The following SIPA1L1 variants were observed in gnomAD, a reference collection of about 807,000 sequenced individuals.
SIPA1L1 encodes signal-induced proliferation-associated 1-like protein 1.
SIPA1L1 carries 26 observed loss-of-function variants against 162.7 expected under a neutral mutation model. The observed-to-expected ratio is 0.16, with a 90% CI of 0.12 to 0.22. SIPA1L1 has a LOEUF of 0.22. SIPA1L1 is among the 10% of genes least tolerant of loss of function. The pLI is 1.00. For synonymous variants in SIPA1L1, 829 were observed against 837.4 expected (o/e 0.99, Z 0.17); for missense variants, 1,874 against 2,241.0 (o/e 0.84, Z 3.31).
chr14:71,548,173 T>A (rs905525642), intron 4 of SIPA1L1, among the ~76,000 whole-genome samples: 1 of 152,228 alleles, frequency 6.6e-6, no homozygotes, highest in Non-Finnish European at 1.5e-5. Context: ...GCATTTAATT[T>A]TTTTCAAATT....
chr14:71,402,423 T>C (rs145372854), intron 2 of SIPA1L1, among the ~76,000 whole-genome samples: 6 of 151,542 alleles, frequency 4.0e-5, no homozygotes, highest in Non-Finnish European at 8.8e-5. Context: ...ACCTCAGCTC[T>C]CTGTAACCTC....
intron 8 of SIPA1L1, among the ~76,000 whole-genome samples, chr14:71,655,204 A>G (rs1204967742): frequency 6.6e-6 from 1 of 152,122 alleles, no homozygotes; most frequent in Non-Finnish European, 1.5e-5. Context: ...TCCTGCTTGT[A>G]AGTGAAAACA....
chr14:71,538,040 A>G (rs1466029958), intron 4 of SIPA1L1, among the ~76,000 whole-genome samples: 2 of 152,062 alleles, frequency 1.3e-5, no homozygotes, highest in East Asian at 1.9e-4. Context: ...CTGCAGGGGG[A>G]AAAAAAAGAT....
intron 4 of SIPA1L1, among the ~76,000 whole-genome samples, chr14:71,557,563 C>T (rs1211441518): frequency 1.3e-5 from 2 of 152,182 alleles, no homozygotes; most frequent in Admixed American, 1.3e-4. Flanking sequence ...ATGTGAGTGC[C>T]TGTTTAATTC....
intron 4 of SIPA1L1, among the ~76,000 whole-genome samples, chr14:71,565,056 G>A (rs532470732): frequency 2.3e-4 from 35 of 152,294 alleles, no homozygotes; most frequent in African/African-American, 8.2e-4. Context: ...ATAGAAAAGT[G>A]TGTCCTCTTC....
chr14:71,667,183 C>T (rs2044096761), intron 10 of SIPA1L1, among the ~76,000 whole-genome samples: 1 of 152,178 alleles, frequency 6.6e-6, no homozygotes. Flanking sequence ...TTTGGAGCTA[C>T]TCACCACTCC....
intron 2 of SIPA1L1, among the ~76,000 whole-genome samples, chr14:71,436,911 C>T (rs1424951013): frequency 4.0e-5 from 6 of 151,880 alleles, no homozygotes; most frequent in East Asian, 1.9e-4. Flanking sequence ...ACTACAGGTG[C>T]GTGCCACCAT....
At chr14:71,676,136 C>CA (rs1170531903) in intron 12 of SIPA1L1, among the ~76,000 whole-genome samples, 4 of 145,224 alleles carry the variant, frequency 2.8e-5, no homozygotes, top group East Asian at 2.1e-4. Flanking sequence ...ACTAAAAATA[C>CA]AAAAAAAATT....
At chr14:71,346,471 A>G (rs118181405) in intron 2 of SIPA1L1, among the ~76,000 whole-genome samples, 210 of 152,296 alleles carry the variant, frequency 1.4e-3, no homozygotes, top group Non-Finnish European at 2.5e-3. Flanking sequence ...ATTTTTAGAA[A>G]GGTGTCTCAT....
At chr14:71,662,912 A>G (rs1048930517) in intron 10 of SIPA1L1, among the ~76,000 whole-genome samples, 5 of 152,242 alleles carry the variant, frequency 3.3e-5, no homozygotes, top group African/African-American at 4.8e-5. Context: ...AAAACATGCT[A>G]TGTACTAGAT....
chr14:71,341,797 C>T (rs772304696), intron 2 of SIPA1L1, among the ~76,000 whole-genome samples: 47 of 152,142 alleles, frequency 3.1e-4, no homozygotes, highest in Non-Finnish European at 5.4e-4. Flanking sequence ...AGAATAACGG[C>T]CTCCAGCTGT....
intron 7 of SIPA1L1, among the ~76,000 whole-genome samples, chr14:71,636,487 G>A (rs2041164203): frequency 6.6e-6 from 1 of 152,170 alleles, no homozygotes; most frequent in East Asian, 1.9e-4. Context: ...AAAAATGTAT[G>A]TAAACTGAAT....
chr14:71,671,091 G>T (rs545005804), intron 10 of SIPA1L1, 28 bp from the exon 11 acceptor site: 4 of 1,520,094 alleles, frequency 2.6e-6, no homozygotes, highest in South Asian at 1.3e-5. Context: ...AAATACTGAC[G>T]TGGCTCTCTT....
chr14:71,710,231 T>G (rs2082764911), intron 17 of SIPA1L1, among the ~76,000 whole-genome samples: 1 of 152,230 alleles, frequency 6.6e-6, no homozygotes, highest in African/African-American at 2.4e-5. Context: ...TAGCTAAAAT[T>G]AGACATACCT....
chr14:71,593,933 A>G (rs550681929), intron 5 of SIPA1L1, among the ~76,000 whole-genome samples: 13 of 152,338 alleles, frequency 8.5e-5, no homozygotes, highest in Admixed American at 7.8e-4. Context: ...GAAACACAGT[A>G]TCTGGTCTGA....
intron 4 of SIPA1L1, among the ~76,000 whole-genome samples, chr14:71,551,747 T>A (rs1265703877): frequency 6.6e-6 from 1 of 152,120 alleles, no homozygotes; most frequent in African/African-American, 2.4e-5. Context: ...CTGGGTCATT[T>A]CCCTTTCCCC....
chr14:71,503,183 T>C (rs867809296), intron 2 of SIPA1L1, among the ~76,000 whole-genome samples: 4 of 152,218 alleles, frequency 2.6e-5, no homozygotes, highest in Non-Finnish European at 5.9e-5. Flanking sequence ...GGAGTTCTTA[T>C]ATCTAATAGT....
intron 8 of SIPA1L1, among the ~76,000 whole-genome samples, chr14:71,657,290 G>A (rs1474444942): frequency 2.0e-5 from 3 of 149,702 alleles, no homozygotes; most frequent in Non-Finnish European, 4.4e-5. Context: ...AGAGGTTGCA[G>A]TGAGCCGAGA....
intron 7 of SIPA1L1, among the ~76,000 whole-genome samples, chr14:71,643,183 T>C (rs1327152240): frequency 2.6e-5 from 4 of 152,090 alleles, no homozygotes; most frequent in East Asian, 1.9e-4. Context: ...CCAACAGATA[T>C]CATAATCAAA....
Sources: allele counts gnomAD v4.1 joint callset (sites outside exome capture counted in the v4.1 genomes callset), GRCh38; gene constraint gnomAD v4.1.1; transcripts MANE v1.5; gene names NCBI Gene and HGNC (gene_info 2026-07-23, HGNC 2026-07-21).